The following NFIX variants were observed in gnomAD, a reference collection of about 807,000 sequenced individuals.
The protein encoded by NFIX is nuclear factor I X.
A neutral mutation model predicts 53.3 loss-of-function variants in NFIX; 2 were observed. The observed-to-expected ratio is 0.04, with a 90% confidence interval of 0.02 to 0.12. NFIX has a LOEUF of 0.12. Ranked by LOEUF, NFIX falls within the 10% of genes least tolerant of loss-of-function variation. The pLI, the probability that NFIX is intolerant of heterozygous loss-of-function variation, is 1.00. For missense variants in NFIX, 310 were observed against 674.5 expected (o/e 0.46, Z 5.99); for synonymous variants, 244 against 289.0 (o/e 0.84, Z 1.58).
chr19:13,017,276 C>T (rs898030908), intron 1 of NFIX, among the ~76,000 whole-genome samples: 3 of 152,208 alleles, frequency 2.0e-5, no homozygotes, highest in African/African-American at 4.8e-5. Flanking sequence ...AGGGGCTAGA[C>T]ACCAGGGAAA....
intron 10 of NFIX, among the ~76,000 whole-genome samples, chr19:13,092,983 A>T (rs2145529908): frequency 6.6e-6 from 1 of 152,358 alleles, no homozygotes; most frequent in South Asian, 2.1e-4. Context: ...ACATACAGGA[A>T]ATTTAGCATT....
intron 6 of NFIX, among the ~76,000 whole-genome samples, chr19:13,076,889 G>A (rs2017134517): frequency 6.6e-6 from 1 of 152,148 alleles, no homozygotes; most frequent in Non-Finnish European, 1.5e-5. Flanking sequence ...GGAGTGGGCT[G>A]GAGACCCTCT....
chr19:13,082,131 C>A, intron 8 of NFIX: 3 of 453,822 alleles, frequency 6.6e-6, no homozygotes, highest in Non-Finnish European at 1.2e-5. Flanking sequence ...GTCCTTGCCC[C>A]CTCAGCAGGA....
At position 13,094,490 on chromosome 19, in the gene NFIX, TG is replaced by T; in HGVS notation, c.1495-142del. ...GAATGGGGATGCCCTTTCTTCTCCA[TG>T]GGAACAAGGTGGGTGGTGGCTGCCC... is the stretch of plus-strand genomic sequence containing the variant. On this transcript the variant is annotated intron_variant, in intron 10 of 10. Coordinates refer to ENST00000592199, the MANE Select transcript of NFIX (RefSeq NM_001365902.3). This position sits in a 1 kb window ranked among gnomAD's most constrained non-coding sequence, Gnocchi z 4.3. 1.4e-6 allele frequency: 1 copy of T among 714,396 alleles called. No individual in the cohort carries two copies. Among genetic ancestry groups the T allele is most frequent in the Non-Finnish European group, 2.3e-6 (1 of 434,654 alleles). 44.3% of individuals were successfully genotyped at this position (714,396 alleles called of 1,614,324 possible).
chr19:13,097,312 A>G lies in NFIX; in HGVS notation c.*2663A>G. On this transcript the variant is annotated 3_prime_UTR_variant, in exon 11 of 11. Transcript: ENST00000592199. The stretch of plus-strand genomic sequence containing the variant: ...ACGTTCACATTTTAGAGTTTAAAAA[A>G]AACACCTCGACATTTAAAAAATCAA... 1 of 152,244 alleles carries G rather than the reference A, an allele frequency of 6.6e-6. No individual in the cohort carries two copies. Among genetic ancestry groups the G allele is most frequent in the East Asian group, 1.9e-4 (1 of 5,196 alleles). The allele number at this position is 152,244 out of a possible 1,614,324, so 9.4% of individuals were successfully genotyped here. A position where few individuals can be genotyped will look rare whatever the true frequency, so the allele number is the denominator to read the frequency against.
At position 13,072,900 on chromosome 19, in the gene NFIX, C is replaced by T. The variant is rs1286280506; in HGVS notation, c.560-147C>T. ...TTGGGTCTCCCGGAGCCTCCTGGGG[C>T]TGGTTTGGGGAGAGGGTGGGGTGAA... On this transcript the variant is annotated intron_variant, in intron 2 of 10. Transcript: ENST00000592199. The surrounding 1 kb of genome is among the most constrained non-coding windows in gnomAD (Gnocchi z 4.0). 1.3e-6 allele frequency: 1 copy of T among 769,546 alleles called. No individual in the cohort carries two copies. Among genetic ancestry groups the T allele is most frequent in the African/African-American group, 1.7e-5 (1 of 58,968 alleles). 47.7% of individuals were successfully genotyped at this position (769,546 alleles called of 1,614,324 possible).
intron 2 of NFIX, among the ~76,000 whole-genome samples, chr19:13,041,652 G>C (rs1287125100): frequency 6.6e-6 from 1 of 151,982 alleles, no homozygotes; most frequent in Non-Finnish European, 1.5e-5. Context: ...AAATTAGCCA[G>C]GCATGGAGGC....
chr19:13,050,722 T>TA (rs1328966301), intron 2 of NFIX, among the ~76,000 whole-genome samples: 1 of 152,108 alleles, frequency 6.6e-6, no homozygotes, highest in Non-Finnish European at 1.5e-5. Flanking sequence ...TGGCCTCATA[T>TA]TTGCTTCTCT....
rs2014526823 is a variant in NFIX at position 13,040,300 on chromosome 19, C to T, written c.559+14748C>T. Among the ~76,000 whole-genome samples, 1 of 152,086 alleles carries T rather than the reference C, an allele frequency of 6.6e-6. No individual in the cohort carries two copies. The highest frequency in any genetic ancestry group is 2.4e-5 in the African/African-American group (1 of 41,402). ...TCCTTGGCTGTCCCTGCTAAATAGT[C>T]ATCTTTGGGGACATCCTCCCTTTTG... On this transcript the variant is annotated intron_variant, in intron 2 of 10. Coordinates refer to ENST00000592199, the MANE Select transcript of NFIX (RefSeq NM_001365902.3). This position sits in a 1 kb window ranked among gnomAD's most constrained non-coding sequence, Gnocchi z 4.2.
chr19:13,015,884 C>T (rs928343918), intron 1 of NFIX, among the ~76,000 whole-genome samples: 1 of 152,164 alleles, frequency 6.6e-6, no homozygotes, highest in African/African-American at 2.4e-5. Context: ...TTTGTGGTCA[C>T]ATGAATAGCA....
intron 6 of NFIX, among the ~76,000 whole-genome samples, chr19:13,077,009 T>C (rs1219444434): frequency 1.3e-5 from 2 of 152,098 alleles, no homozygotes; most frequent in Non-Finnish European, 2.9e-5. Context: ...ATGGGCCACA[T>C]GCTTCCCTAG....
intron 8 of NFIX, among the ~76,000 whole-genome samples, chr19:13,086,928 G>A (rs181993083): frequency 1.3e-4 from 20 of 152,372 alleles, no homozygotes; most frequent in African/African-American, 4.6e-4. Flanking sequence ...ATAGGAGGAG[G>A]AGCACACAGC....
intron 2 of NFIX, among the ~76,000 whole-genome samples, chr19:13,041,164 G>A (rs1454517751): frequency 7.9e-5 from 12 of 152,176 alleles, no homozygotes; most frequent in African/African-American, 2.9e-4. Context: ...TGAAAGTTCA[G>A]GAGGCCAAGC....
chr19:13,065,122 C>T (rs538654782), intron 2 of NFIX, among the ~76,000 whole-genome samples: 25 of 152,194 alleles, frequency 1.6e-4, no homozygotes, highest in Admixed American at 9.8e-4. Context: ...ATGCCCCCTT[C>T]GGCCCCTCTG....
rs907745117 is a variant in NFIX at position 13,022,454 on chromosome 19, A to G, written c.28-2567A>G. Among the ~76,000 whole-genome samples the G allele has an allele frequency of 6.6e-6, 1 of 152,198 alleles. No individual in the cohort carries two copies. Among genetic ancestry groups the G allele is most frequent in the Non-Finnish European group, 1.5e-5 (1 of 68,038 alleles). ...ACAAGGTGGCAGTACCCTGGGCACC[A>G]GATCCCTGCCCTGGAAGTACTGCTG... On this transcript the variant is annotated intron_variant, in intron 1 of 10. Coordinates refer to ENST00000592199, the MANE Select transcript of NFIX (RefSeq NM_001365902.3). This position sits in a 1 kb window ranked among gnomAD's most constrained non-coding sequence, Gnocchi z 4.5.
intron 1 of NFIX, 170 bp from the exon 2 acceptor site, chr19:13,024,851 A>T: frequency 7.6e-7 from 1 of 1,315,452 alleles, no homozygotes; most frequent in Non-Finnish European, 1.0e-6. Flanking sequence ...ACACTTTCGT[A>T]GAACAATCGC....
rs539187435 is a variant in NFIX, at chr19:12,999,840, T to C, written c.27+3976T>C. 1.0e-3 allele frequency among the ~76,000 whole-genome samples: 156 copies of C among 152,366 alleles called. 1 individual carries two copies. The South Asian group carries it at 0.011, about 11-fold the overall frequency. ...CGAAGCTATAGCTCTCTGTCCCTGCTCCGGCCTGGTGCCCTGTTTTCATGG... is the reference window on the plus strand; with the variant it reads ...CGAAGCTATAGCTCTCTGTCCCTGCCCCGGCCTGGTGCCCTGTTTTCATGG... On this transcript the variant is annotated intron_variant, in intron 1 of 10. Transcript: ENST00000592199.
At chr19:13,061,089 C>G (rs2016054230) in intron 2 of NFIX, among the ~76,000 whole-genome samples, 1 of 150,638 alleles carries the variant, frequency 6.6e-6, no homozygotes, top group African/African-American at 2.4e-5. Flanking sequence ...TAGACCCCCC[C>G]CTCCCCCCCA....
At chr19:13,062,298 C>T (rs956102853) in intron 2 of NFIX, among the ~76,000 whole-genome samples, 2 of 152,130 alleles carry the variant, frequency 1.3e-5, no homozygotes, top group Non-Finnish European at 2.9e-5. Context: ...ACATGAGTGT[C>T]GGTGGTTGGG....
Sources: gnomAD v4.1 joint callset for allele counts (sites outside exome capture counted in the v4.1 genomes callset) on GRCh38, gnomAD v4.1.1 for gene constraint, Gnocchi (gnomAD v3.1) non-coding constraint, MANE v1.5 for transcripts, NCBI Gene and HGNC (gene_info 2026-07-23, HGNC 2026-07-21) for gene names.